The following PDE4D variants were observed in gnomAD, a reference collection of about 807,000 sequenced individuals.
PDE4D encodes 3',5'-cyclic-AMP phosphodiesterase 4D.
A neutral mutation model predicts 87.4 loss-of-function variants in PDE4D; 24 were observed. That is an observed-to-expected ratio of 0.27 (90% confidence interval 0.20 to 0.39). The LOEUF (loss-of-function observed/expected upper bound fraction) is 0.39, where lower values mean the gene tolerates loss of function less well. Ranked by LOEUF, PDE4D falls within the 10% of genes least tolerant of loss-of-function variation. PDE4D has a pLI of 1.00. For missense variants in PDE4D, 714 were observed against 1,041.0 expected (o/e 0.69, Z 4.32); for synonymous variants, 384 against 383.2 (o/e 1.00, Z -0.02).
chr5:59,821,739 G>C (rs374604510), intron 1 of PDE4D, among the ~76,000 whole-genome samples: 5 of 152,126 alleles, frequency 3.3e-5, no homozygotes, highest in Admixed American at 2.0e-4. Context: ...TAGAGGAGGG[G>C]AGGAAGAAAG....
At chr5:59,998,460 C>G (rs990386029) in intron 2 of PDE4D, among the ~76,000 whole-genome samples, 1 of 151,978 alleles carries the variant, frequency 6.6e-6, no homozygotes, top group Non-Finnish European at 1.5e-5. Context: ...AATTACCACA[C>G]CAACATCTCA....
chr5:59,305,049 T>A (rs1042484814), intron 1 of PDE4D, among the ~76,000 whole-genome samples: 1 of 152,092 alleles, frequency 6.6e-6, no homozygotes. Context: ...GATAATTTTT[T>A]AAGTACCATT....
intron 2 of PDE4D, among the ~76,000 whole-genome samples, chr5:60,158,515 T>C (rs1782186092): frequency 1.3e-5 from 2 of 152,326 alleles, no homozygotes; most frequent in South Asian, 4.1e-4. Flanking sequence ...TGTCTACTAA[T>C]GTAGACTTTA....
At chr5:59,863,419 A>T (rs746500955) in intron 1 of PDE4D, among the ~76,000 whole-genome samples, 4 of 152,204 alleles carry the variant, frequency 2.6e-5, no homozygotes, top group Non-Finnish European at 5.9e-5. Flanking sequence ...ACATTTTAGA[A>T]GAAAAATGAT....
In PDE4D at chr5:59,395,375, G is replaced by A. The variant is rs553439360; in HGVS notation, c.456-179407C>T. Among the ~76,000 whole-genome samples, 19 of 152,318 alleles carry A rather than the reference G, an allele frequency of 1.2e-4. No homozygotes were observed. The South Asian group carries it at 3.1e-3, about 25-fold the overall frequency. On this transcript the variant is annotated intron_variant, in intron 1 of 14. Coordinates refer to ENST00000340635, the MANE Select transcript of PDE4D (RefSeq NM_001104631.2). ...AAGAGAGCAGTGGTTCTCCCAGCACGCAGCTGGAGATCTGAGAACTGGCAG... is the reference window on the plus strand; with the variant it reads ...AAGAGAGCAGTGGTTCTCCCAGCACACAGCTGGAGATCTGAGAACTGGCAG...
chr5:59,440,633 G>C (rs888981194), intron 1 of PDE4D, among the ~76,000 whole-genome samples: 1 of 152,164 alleles, frequency 6.6e-6, no homozygotes, highest in Non-Finnish European at 1.5e-5. Flanking sequence ...AAAATTAGCT[G>C]TGCATAGTGG....
chr5:59,773,447 C>T (rs1026171929), intron 1 of PDE4D, among the ~76,000 whole-genome samples: 11 of 152,100 alleles, frequency 7.2e-5, no homozygotes, highest in South Asian at 4.1e-4. Context: ...CTAGTTAACA[C>T]TAAATTTTGC....
At chr5:60,268,105 G>A (rs1750416185) in intron 1 of PDE4D, among the ~76,000 whole-genome samples, 1 of 152,150 alleles carries the variant, frequency 6.6e-6, no homozygotes, top group South Asian at 2.1e-4. Context: ...CAAGCACAAT[G>A]AAAAATTCTA....
chr5:60,044,584 A>G (rs1004502876), intron 2 of PDE4D, among the ~76,000 whole-genome samples: 1 of 150,332 alleles, frequency 6.7e-6, no homozygotes, highest in East Asian at 2.0e-4. Flanking sequence ...CTCATTGTTC[A>G]ATTCCCACCT....
At chr5:59,867,745 T>C (rs1448480475) in intron 1 of PDE4D, among the ~76,000 whole-genome samples, 2 of 152,158 alleles carry the variant, frequency 1.3e-5, no homozygotes, top group Non-Finnish European at 2.9e-5. Flanking sequence ...ATACTGCAAT[T>C]GCTAAAAGCA....
chr5:60,223,785 T>G (rs1744770294), intron 1 of PDE4D, among the ~76,000 whole-genome samples: 1 of 152,144 alleles, frequency 6.6e-6, no homozygotes, highest in African/African-American at 2.4e-5. Flanking sequence ...TCAATTGTGC[T>G]AAAAAATAAC....
intron 5 of PDE4D, among the ~76,000 whole-genome samples, chr5:59,124,071 CA>C (rs552936248): frequency 8.5e-4 from 130 of 152,260 alleles, no homozygotes; most frequent in African/African-American, 1.6e-3. Flanking sequence ...AAAATGTAAT[CA>C]GGGGGGAACA....
chr5:59,678,890 A>G (rs748584655), intron 1 of PDE4D, among the ~76,000 whole-genome samples: 40 of 152,214 alleles, frequency 2.6e-4, no homozygotes, highest in Non-Finnish European at 5.6e-4. Context: ...TGTTATATGC[A>G]TATTTTGACA....
At position 59,047,220 on chromosome 5, in the gene PDE4D, G is replaced by A. The variant is rs138893068; in HGVS notation, c.809-8249C>T. ...TCAACTAATACCTAGGTATAACCTC[G>A]GGGTCCAGAAACTTAATAGTTACCT... On this transcript the variant is annotated intron_variant, in intron 5 of 14. Coordinates refer to ENST00000340635, the MANE Select transcript of PDE4D (RefSeq NM_001104631.2). Among the ~76,000 whole-genome samples the A allele has an allele frequency of 7.1e-3, 1,075 of 152,038 alleles. 11 individuals are homozygous for A. The highest frequency in any genetic ancestry group is 0.024 in the African/African-American group (1,004 of 41,462).
chr5:60,001,883 GA>G (rs35443499), intron 2 of PDE4D, among the ~76,000 whole-genome samples: 63 of 134,410 alleles, frequency 4.7e-4, no homozygotes, highest in African/African-American at 1.6e-3. Flanking sequence ...AATTACAAAG[GA>G]AAAAAAAAAA....
chr5:58,984,526 G>A (rs1441440123), intron 11 of PDE4D, among the ~76,000 whole-genome samples: 1 of 152,122 alleles, frequency 6.6e-6, no homozygotes, highest in Non-Finnish European at 1.5e-5. Context: ...TCCTTATTTT[G>A]AAGGTGTGGG....
chr5:59,039,492 G>GGCC (rs1200324945), intron 5 of PDE4D: 17 of 985,486 alleles, frequency 1.7e-5, no homozygotes, highest in Non-Finnish European at 2.0e-5. Context: ...AATCAGCCGC[G>GGCC]GCCGGGTGCG....
chr5:59,088,682 T>C (rs1768161248), intron 5 of PDE4D, among the ~76,000 whole-genome samples: 1 of 152,126 alleles, frequency 6.6e-6, no homozygotes, highest in African/African-American at 2.4e-5. Flanking sequence ...CCAATATCCT[T>C]AGCAAACTAA....
At chr5:59,613,987 T>TG (rs1829336769) in intron 1 of PDE4D, among the ~76,000 whole-genome samples, 1 of 152,174 alleles carries the variant, frequency 6.6e-6, no homozygotes, top group South Asian at 2.1e-4. Flanking sequence ...TTTTCTTAAT[T>TG]TTTTTACAAA....
Sources: allele counts gnomAD v4.1 joint callset (sites outside exome capture counted in the v4.1 genomes callset), GRCh38; gene constraint gnomAD v4.1.1; transcripts MANE v1.5; gene names NCBI Gene and HGNC (gene_info 2026-07-23, HGNC 2026-07-21).